The following ENOX1 variants were observed in gnomAD, a reference collection of about 807,000 sequenced individuals.
ENOX1 encodes the protein candidate growth-related and time keeping constitutive hydroquinone (NADH) oxidase.
In ENOX1, 42 loss-of-function variants were observed where a neutral mutation model predicts 82.5. The observed-to-expected ratio is 0.51, with a 90% CI of 0.40 to 0.66. ENOX1 has a LOEUF of 0.66. ENOX1 is among the 30% of genes least tolerant of loss of function. ENOX1 has a pLI of 0.00. For missense variants in ENOX1, 608 were observed against 811.6 expected (o/e 0.75, Z 3.05); for synonymous variants, 271 against 282.2 (o/e 0.96, Z 0.40).
At chr13:43,637,990 G>C (rs1016197779) in intron 2 of ENOX1, among the ~76,000 whole-genome samples, 1 of 152,080 alleles carries the variant, frequency 6.6e-6, no homozygotes, top group African/African-American at 2.4e-5. Flanking sequence ...AAAAGGGTCC[G>C]AGAGCACCTC....
intron 1 of ENOX1, among the ~76,000 whole-genome samples, chr13:43,733,973 AAAAAG>A (rs541639625): frequency 1.6e-3 from 239 of 152,222 alleles, no homozygotes; most frequent in African/African-American, 5.5e-3. Flanking sequence ...CCCCAACCAA[AAAAAG>A]AAAAGAAAAG....
intron 2 of ENOX1, among the ~76,000 whole-genome samples, chr13:43,534,072 A>C (rs1259781842): frequency 6.6e-6 from 1 of 152,152 alleles, no homozygotes; most frequent in Non-Finnish European, 1.5e-5. Context: ...AAAAATTTGC[A>C]CTGGCTTTTA....
intron 3 of ENOX1, among the ~76,000 whole-genome samples, chr13:43,454,921 G>T (rs948270191): frequency 1.3e-5 from 2 of 151,300 alleles, no homozygotes; most frequent in Admixed American, 1.3e-4. Context: ...CTCCCGTCCA[G>T]CCCCTCTGGT....
At chr13:43,299,901 C>A (rs924280273) in intron 11 of ENOX1, among the ~76,000 whole-genome samples, 4 of 152,148 alleles carry the variant, frequency 2.6e-5, no homozygotes, top group African/African-American at 9.7e-5. Flanking sequence ...AAATCAAGGT[C>A]GCCTCCTGAG....
intron 3 of ENOX1, among the ~76,000 whole-genome samples, chr13:43,443,591 C>T (rs561012888): frequency 6.6e-6 from 1 of 152,258 alleles, no homozygotes; most frequent in East Asian, 1.9e-4. Context: ...GAGTCCACAA[C>T]TGTGCTGGCA....
At chr13:43,388,644 C>T (rs948007211) in intron 5 of ENOX1, among the ~76,000 whole-genome samples, 3 of 152,172 alleles carry the variant, frequency 2.0e-5, no homozygotes, top group Non-Finnish European at 2.9e-5. Context: ...AAATTGACTA[C>T]AGGCCAGGGT....
At chr13:43,434,707 G>A (rs1011132347) in intron 3 of ENOX1, among the ~76,000 whole-genome samples, 1 of 152,138 alleles carries the variant, frequency 6.6e-6, no homozygotes, top group Non-Finnish European at 1.5e-5. Context: ...AACCTAATAT[G>A]TGTCAGGGAA....
chr13:43,505,816 A>G (rs1405761951), intron 2 of ENOX1, among the ~76,000 whole-genome samples: 1 of 152,084 alleles, frequency 6.6e-6, no homozygotes, highest in African/African-American at 2.4e-5. Context: ...TTAGACATGA[A>G]GTCCTTGCCC....
intron 2 of ENOX1, among the ~76,000 whole-genome samples, chr13:43,550,289 G>T (rs796454512): frequency 2.6e-5 from 4 of 152,274 alleles, no homozygotes; most frequent in African/African-American, 9.6e-5. Context: ...ATAAAGGGAA[G>T]GTAAACTAAT....
At chr13:43,594,022 C>T (rs933373937) in intron 2 of ENOX1, among the ~76,000 whole-genome samples, 1 of 152,120 alleles carries the variant, frequency 6.6e-6, no homozygotes, top group East Asian at 1.9e-4. Flanking sequence ...CAACGCCAGG[C>T]CCCATTGTGC....
intron 5 of ENOX1, among the ~76,000 whole-genome samples, chr13:43,373,491 C>G (rs1426620359): frequency 1.3e-5 from 2 of 152,100 alleles, no homozygotes; most frequent in African/African-American, 2.4e-5. Flanking sequence ...TTTGGCATAC[C>G]CACTTTCCCC....
intron 5 of ENOX1, among the ~76,000 whole-genome samples, chr13:43,367,817 G>A (rs1036079474): frequency 6.6e-6 from 1 of 152,108 alleles, no homozygotes; most frequent in Non-Finnish European, 1.5e-5. Flanking sequence ...TTCTTGAAAA[G>A]GATGACATCT....
chr13:43,321,829 G>A (rs750522897), intron 11 of ENOX1, among the ~76,000 whole-genome samples: 24 of 152,316 alleles, frequency 1.6e-4, no homozygotes, highest in Non-Finnish European at 3.2e-4. Context: ...TTTTAAATCA[G>A]CAGCTCCCAT....
chr13:43,302,560 CTA>C (rs939376179), intron 11 of ENOX1, among the ~76,000 whole-genome samples: 80 of 152,018 alleles, frequency 5.3e-4, no homozygotes, highest in African/African-American at 1.9e-3. Context: ...AAACTTAGCA[CTA>C]GACTAAAAAA....
chr13:43,582,713 A>C (rs1323413612), intron 2 of ENOX1, among the ~76,000 whole-genome samples: 1 of 152,106 alleles, frequency 6.6e-6, no homozygotes, highest in South Asian at 2.1e-4. Flanking sequence ...AGCTGGAACT[A>C]CAGGCGCACA....
rs185817884 is a variant in ENOX1, at chr13:43,632,727, G to A, written c.-219+34752C>T. Among the ~76,000 whole-genome samples, 366 of 152,208 alleles carry A rather than the reference G, an allele frequency of 2.4e-3. 1 individual carries two copies. The highest frequency in any genetic ancestry group is 4.5e-3 in the African/African-American group (186 of 41,532). On this transcript the variant is annotated intron_variant, in intron 2 of 16. Transcript: ENST00000690772. ...TTCCCAAAGTGCTGGGATTACAGGC[G>A]TGAACCACAGTGCCCGGCCTGATTT... is the stretch of plus-strand genomic sequence containing the variant.
intron 14 of ENOX1, among the ~76,000 whole-genome samples, chr13:43,248,705 A>T (rs1358706195): frequency 6.6e-6 from 1 of 152,138 alleles, no homozygotes; most frequent in Non-Finnish European, 1.5e-5. Context: ...TACAAATAAA[A>T]ATATGTATTC....
At chr13:43,778,408 G>T (rs1008884485) in intron 1 of ENOX1, among the ~76,000 whole-genome samples, 13 of 151,756 alleles carry the variant, frequency 8.6e-5, no homozygotes, top group Non-Finnish European at 1.5e-4. Flanking sequence ...AGAACAAGAG[G>T]AAAAAAAGCA....
intron 14 of ENOX1, among the ~76,000 whole-genome samples, chr13:43,261,377 G>A (rs1329972285): frequency 1.3e-5 from 2 of 152,154 alleles, no homozygotes; most frequent in East Asian, 3.9e-4. Context: ...GAAGTTTGAA[G>A]CTCCCTGTCA....
Sources: gnomAD v4.1 joint callset for allele counts (sites outside exome capture counted in the v4.1 genomes callset) on GRCh38, gnomAD v4.1.1 for gene constraint, MANE v1.5 for transcripts, NCBI Gene and HGNC (gene_info 2026-07-23, HGNC 2026-07-21) for gene names.